UBA6: variants seen among roughly 807,000 people sequenced by gnomAD.
The protein encoded by UBA6 is ubiquitin-like modifier-activating enzyme 6.
A neutral mutation model predicts 148.3 loss-of-function variants in UBA6; 87 were observed. The observed-to-expected ratio is 0.59, with a 90% CI of 0.49 to 0.70. The LOEUF is 0.70. Among genes scored for constraint, UBA6 ranks in the 30% least tolerant of loss-of-function variants. UBA6 has a pLI of 0.00. For synonymous variants in UBA6, 376 were observed against 401.0 expected, an observed-to-expected ratio of 0.94 and a Z score of 0.75; for missense variants, 1,186 against 1,241.2, an observed-to-expected ratio of 0.96 and a Z score of 0.67.
intron 7 of UBA6, among the ~76,000 whole-genome samples, chr4:67,673,183 G>A (rs1472343662): frequency 6.6e-6 from 1 of 151,880 alleles, no homozygotes; most frequent in Admixed American, 6.6e-5. Context: ...GAGGCTGGGC[G>A]CAGTGGCTCA....
At chr4:67,679,410 T>C (rs1011775272) in intron 4 of UBA6, among the ~76,000 whole-genome samples, 1 of 152,160 alleles carries the variant, frequency 6.6e-6, no homozygotes, top group Non-Finnish European at 1.5e-5. Context: ...CTAAATTTTT[T>C]AAAAAGCAAT....
chr4:67,631,277 T>C (rs561906331), intron 25 of UBA6, among the ~76,000 whole-genome samples: 13 of 152,212 alleles, frequency 8.5e-5, no homozygotes, highest in Non-Finnish European at 1.8e-4. Flanking sequence ...GTATCTAATA[T>C]AGTGTTTCCA....
chr4:67,700,924 A>T, intron 1 of UBA6, 125 bp downstream of exon 1: 1 of 1,200,146 alleles, frequency 8.3e-7, no homozygotes, highest in South Asian at 1.3e-5. Context: ...CTCGCCTCCC[A>T]GGGCCGGCTC....
At position 67,619,146 on chromosome 4, in the gene UBA6, G is replaced by A. The variant is rs755653555; in HGVS notation, c.3024-14C>T. 2 of 1,577,274 alleles carry A rather than the reference G, an allele frequency of 1.3e-6. No individual in the cohort carries two copies. The highest frequency in any genetic ancestry group is 2.2e-5 in the East Asian group (1 of 44,584). On this transcript the variant is annotated splice_polypyrimidine_tract_variant and intron_variant, in intron 32 of 32. Transcript: ENST00000322244. The stretch of plus-strand genomic sequence containing the variant: ...AGTTTATGCATTCTAAGAAAAATAA[G>A]CAAGAATGAATACTTTGGTAAATTC...
chr4:67,636,553 G>C (rs1729146226), intron 19 of UBA6, among the ~76,000 whole-genome samples: 1 of 152,202 alleles, frequency 6.6e-6, no homozygotes. Context: ...CGCCACGCCT[G>C]ACTGGTTTTC....
intron 2 of UBA6, among the ~76,000 whole-genome samples, chr4:67,682,797 A>G (rs552196412): frequency 1.5e-4 from 23 of 152,360 alleles, no homozygotes; most frequent in African/African-American, 5.5e-4. Flanking sequence ...TGAAAGAACA[A>G]TGAGAAACTT....
chr4:67,623,664 G>A (rs1007493645), intron 30 of UBA6, among the ~76,000 whole-genome samples: 1 of 152,086 alleles, frequency 6.6e-6, no homozygotes, highest in Non-Finnish European at 1.5e-5. Flanking sequence ...ATCCCTTACT[G>A]TGGATTATAG....
chr4:67,676,840 T>TTATAG (rs957669701), intron 6 of UBA6, among the ~76,000 whole-genome samples: 2 of 151,548 alleles, frequency 1.3e-5, no homozygotes, highest in African/African-American at 4.9e-5. Context: ...TTAAGTTATC[T>TTATAG]ACTCCAGAAC....
At chr4:67,642,313 C>T (rs542031368) in intron 17 of UBA6, among the ~76,000 whole-genome samples, 1 of 152,168 alleles carries the variant, frequency 6.6e-6, no homozygotes, top group East Asian at 1.9e-4. Context: ...GCTTATGTGA[C>T]TTAAGATCTA....
At chr4:67,684,396 G>A (rs1730510325) in intron 2 of UBA6, among the ~76,000 whole-genome samples, 1 of 151,970 alleles carries the variant, frequency 6.6e-6, no homozygotes. Flanking sequence ...TTTGATAAGA[G>A]CACTTCATTA....
chr4:67,624,911 G>T, intron 29 of UBA6, 83 bp downstream of exon 29: 1 of 1,136,696 alleles, frequency 8.8e-7, no homozygotes, highest in Non-Finnish European at 1.2e-6. Context: ...TAACATCTCT[G>T]AGTGACTGGG....
At chr4:67,649,650 A>G (rs1729506054) in intron 13 of UBA6, among the ~76,000 whole-genome samples, 1 of 152,210 alleles carries the variant, frequency 6.6e-6, no homozygotes, top group Non-Finnish European at 1.5e-5. Flanking sequence ...ATAAGCTATC[A>G]GTTTGTGTTG....
intron 10 of UBA6, among the ~76,000 whole-genome samples, chr4:67,664,659 T>C (rs1729946836): frequency 6.6e-6 from 1 of 152,154 alleles, no homozygotes; most frequent in Non-Finnish European, 1.5e-5. Context: ...ATTTACATTT[T>C]GCTTTCAATG....
intron 2 of UBA6, among the ~76,000 whole-genome samples, chr4:67,691,319 T>C (rs1222401268): frequency 6.6e-6 from 1 of 152,194 alleles, no homozygotes; most frequent in Non-Finnish European, 1.5e-5. Flanking sequence ...AGACCATAGA[T>C]GTCGCCATTT....
intron 13 of UBA6, among the ~76,000 whole-genome samples, chr4:67,660,574 G>A (rs534414066): frequency 1.4e-4 from 22 of 152,344 alleles, no homozygotes; most frequent in African/African-American, 5.3e-4. Context: ...TTTAGAGGAT[G>A]TATGAAAACA....
intron 9 of UBA6, 142 bp from the exon 10 acceptor site, chr4:67,665,434 T>TGTTTG: frequency 2.2e-6 from 1 of 451,400 alleles, no homozygotes; most frequent in South Asian, 3.8e-5. Flanking sequence ...TTTGTTTGTT[T>TGTTTG]TTTTTTTTTT....
At chr4:67,677,846 T>C (rs1342836579) in intron 5 of UBA6, 124 bp from the exon 6 acceptor site, 3 of 518,434 alleles carry the variant, frequency 5.8e-6, no homozygotes, top group Non-Finnish European at 1.0e-5. Flanking sequence ...AAACTTACCT[T>C]GTAGAAGAAA....
chr4:67,697,550 C>T (rs1362932237), intron 1 of UBA6, among the ~76,000 whole-genome samples: 3 of 152,196 alleles, frequency 2.0e-5, no homozygotes, highest in Non-Finnish European at 1.5e-5. Context: ...AAAGAGAATT[C>T]AATTACCCCT....
intron 13 of UBA6, among the ~76,000 whole-genome samples, chr4:67,660,684 C>A (rs1729827318): frequency 6.6e-6 from 1 of 152,204 alleles, no homozygotes; most frequent in Non-Finnish European, 1.5e-5. Flanking sequence ...GGAGCCCCCA[C>A]AGAGAGTCCC....
Sources: gnomAD v4.1 joint callset for allele counts (sites outside exome capture counted in the v4.1 genomes callset) on GRCh38, gnomAD v4.1.1 for gene constraint, MANE v1.5 for transcripts, NCBI Gene and HGNC (gene_info 2026-07-23, HGNC 2026-07-21) for gene names.